The following WWOX variants were observed in gnomAD, a reference collection of about 807,000 sequenced individuals.
WWOX encodes the protein WW domain containing oxidoreductase, also known as WW domain-containing oxidoreductase.
WWOX carries 69 observed loss-of-function variants against 46.2 expected under a neutral mutation model. The ratio of observed to expected loss-of-function variants is 1.49; its 90% CI spans 1.23 to 1.82. The LOEUF is 1.82. Among genes scored for constraint, WWOX ranks in the 40% most tolerant of loss-of-function variants. WWOX has a pLI of 0.00. For missense variants in WWOX, 919 were observed against 542.6 expected (o/e 1.69, Z -6.89); for synonymous variants, 359 against 202.6 (o/e 1.77, Z -6.56).
intron 8 of WWOX, among the ~76,000 whole-genome samples, chr16:78,610,718 A>C (rs1306086906): frequency 1.3e-5 from 2 of 152,098 alleles, no homozygotes; most frequent in East Asian, 1.9e-4. Context: ...CAGAAATCTA[A>C]CTTAGGGATG....
At chr16:78,309,820 A>C (rs2080206325) in intron 5 of WWOX, among the ~76,000 whole-genome samples, 1 of 152,160 alleles carries the variant, frequency 6.6e-6, no homozygotes, top group South Asian at 2.1e-4. Context: ...CTGAAGTCTA[A>C]CTCTAATCCT....
At chr16:78,196,022 GA>G (rs1567624554) in intron 5 of WWOX, among the ~76,000 whole-genome samples, 1 of 152,108 alleles carries the variant, frequency 6.6e-6, no homozygotes, top group Non-Finnish European at 1.5e-5. Flanking sequence ...TTCTATTAGA[GA>G]AGAATGCAAA....
At chr16:78,913,386 C>G (rs1036731814) in intron 8 of WWOX, among the ~76,000 whole-genome samples, 7 of 151,860 alleles carry the variant, frequency 4.6e-5, no homozygotes, top group African/African-American at 1.7e-4. Context: ...TGTTGGAAGA[C>G]GAGACGTTGG....
intron 8 of WWOX, among the ~76,000 whole-genome samples, chr16:78,871,474 G>A (rs894444780): frequency 6.6e-6 from 1 of 152,176 alleles, no homozygotes; most frequent in Non-Finnish European, 1.5e-5. Flanking sequence ...TTCTGCACCT[G>A]GGTGGTCAGA....
At chr16:78,465,347 C>G (rs1313762852) in intron 8 of WWOX, among the ~76,000 whole-genome samples, 1 of 152,168 alleles carries the variant, frequency 6.6e-6, no homozygotes, top group Non-Finnish European at 1.5e-5. Flanking sequence ...TTGTCTTTTG[C>G]TATTTTCTTT....
intron 7 of WWOX, 110 bp downstream of exon 7, chr16:78,425,165 T>A: frequency 7.0e-7 from 1 of 1,435,800 alleles, no homozygotes; most frequent in Non-Finnish European, 9.7e-7. Flanking sequence ...TTGAGACATG[T>A]GGGTGGACTC....
chr16:78,553,025 A>G (rs1038762360), intron 8 of WWOX: 2 of 152,246 alleles, frequency 1.3e-5, no homozygotes, highest in Non-Finnish European at 2.9e-5. Context: ...CTAACACAGG[A>G]ACAGAAAACC....
At chr16:78,661,686 A>G (rs549804889) in intron 8 of WWOX, among the ~76,000 whole-genome samples, 1 of 152,216 alleles carries the variant, frequency 6.6e-6, no homozygotes, top group African/African-American at 2.4e-5. Context: ...AATGGGGGGA[A>G]AAGCTTCAGG....
intron 8 of WWOX, among the ~76,000 whole-genome samples, chr16:79,092,066 C>T (rs528223026): frequency 1.6e-4 from 24 of 152,178 alleles, no homozygotes; most frequent in African/African-American, 5.8e-4. Context: ...CAGGTGTGAG[C>T]CACCGCACCG....
chr16:78,749,325 T>C (rs1487924712), intron 8 of WWOX, among the ~76,000 whole-genome samples: 1 of 152,062 alleles, frequency 6.6e-6, no homozygotes, highest in South Asian at 2.1e-4. Flanking sequence ...GGGAAAAAAA[T>C]GGACTTTCAA....
At chr16:78,679,003 C>T (rs994633923) in intron 8 of WWOX, among the ~76,000 whole-genome samples, 1 of 152,116 alleles carries the variant, frequency 6.6e-6, no homozygotes, top group African/African-American at 2.4e-5. Context: ...CATATTGCCC[C>T]CAGTGGAGAG....
intron 8 of WWOX, among the ~76,000 whole-genome samples, chr16:78,951,360 G>A (rs939507011): frequency 8.5e-5 from 13 of 152,122 alleles, no homozygotes; most frequent in East Asian, 3.9e-4. Context: ...AGAGTCCCAC[G>A]GCTGACTCTC....
chr16:78,690,810 C>A (rs1233301037), intron 8 of WWOX, among the ~76,000 whole-genome samples: 2 of 152,136 alleles, frequency 1.3e-5, no homozygotes, highest in Non-Finnish European at 2.9e-5. Context: ...AAATGAATGG[C>A]ATATGCGTAT....
At chr16:79,059,341 G>A (rs1039132453) in intron 8 of WWOX, among the ~76,000 whole-genome samples, 28 of 152,176 alleles carry the variant, frequency 1.8e-4, no homozygotes, top group Admixed American at 3.9e-4. Context: ...TAACTATATC[G>A]TCAACTACCT....
chr16:78,432,276 T>G (rs2083239232), intron 7 of WWOX, among the ~76,000 whole-genome samples: 1 of 152,054 alleles, frequency 6.6e-6, no homozygotes, highest in Non-Finnish European at 1.5e-5. Flanking sequence ...TGGCTAATTT[T>G]TGTATTTTTA....
At chr16:78,150,823 A>C (rs1267043671) in intron 4 of WWOX, among the ~76,000 whole-genome samples, 1 of 152,120 alleles carries the variant, frequency 6.6e-6, no homozygotes, top group African/African-American at 2.4e-5. Context: ...ACAACTCTCT[A>C]ATTGTGAATA....
At chr16:79,150,400 G>T (rs1275279299) in intron 8 of WWOX, among the ~76,000 whole-genome samples, 1 of 152,200 alleles carries the variant, frequency 6.6e-6, no homozygotes, top group African/African-American at 2.4e-5. Context: ...AGTTTCAGAT[G>T]CTTCAACTAC....
intron 8 of WWOX, among the ~76,000 whole-genome samples, chr16:78,953,108 A>C (rs1456861441): frequency 6.6e-6 from 1 of 151,972 alleles, no homozygotes; most frequent in Non-Finnish European, 1.5e-5. Context: ...TGTTAAATTC[A>C]ATCATCAGTG....
At chr16:78,490,274 G>A (rs1331377643) in intron 8 of WWOX, among the ~76,000 whole-genome samples, 1 of 120,756 alleles carries the variant, frequency 8.3e-6, no homozygotes, top group Non-Finnish European at 1.7e-5. Context: ...AAGCCTTTTG[G>A]AAGTGCACAG....
Sources: gnomAD v4.1 joint callset for allele counts (sites outside exome capture counted in the v4.1 genomes callset) on GRCh38, gnomAD v4.1.1 for gene constraint, MANE v1.5 for transcripts, NCBI Gene and HGNC (gene_info 2026-07-23, HGNC 2026-07-21) for gene names.